The following ASPH variants were observed in gnomAD, a reference collection of about 807,000 sequenced individuals.
ASPH encodes aspartate beta-hydroxylase, also known as aspartyl/asparaginyl beta-hydroxylase.
Under a neutral mutation model 118.4 loss-of-function variants are expected in ASPH, and 100 were observed. The ratio of observed to expected loss-of-function variants is 0.84; its 90% CI spans 0.72 to 1.00. ASPH has a LOEUF of 1.00. Ranked by LOEUF, ASPH falls within the 50% of genes least tolerant of loss-of-function variation. ASPH has a pLI of 0.00. For synonymous variants in ASPH, 315 were observed against 325.6 expected (o/e 0.97, Z 0.35); for missense variants, 920 against 919.5 (o/e 1.00, Z -0.01).
chr8:61,503,454 A>G lies in ASPH; in HGVS notation c.2182T>C (p.Trp728Arg). The change falls in exon 25 of 25, where the codon TGG becomes CGG. Residue 728 changes from tryptophan to arginine, a missense_variant. Trp to Arg is a moderately radical substitution (Grantham distance 101, BLOSUM62 -3). Transcript: ENST00000379454. ...AGCCGGAAAGATGAGGCATCCTGCCATACCTCGTGCTCAAAGGAGTCATCA... is the reference window on the plus strand; with the variant it reads ...AGCCGGAAAGATGAGGCATCCTGCCGTACCTCGTGCTCAAAGGAGTCATCA... ...IFDDSFEHEV[W>R]QDASSFRLIF... 1 of 1,613,262 alleles carries G rather than the reference A, an allele frequency of 6.2e-7. No individual in the cohort carries two copies. Among genetic ancestry groups the G allele is most frequent in the East Asian group, 2.2e-5 (1 of 44,800 alleles).
At chr8:61,533,893 G>A (rs1818486713) in intron 21 of ASPH, among the ~76,000 whole-genome samples, 2 of 152,154 alleles carry the variant, frequency 1.3e-5, no homozygotes, top group African/African-American at 4.8e-5. Flanking sequence ...ATTTAAGTGA[G>A]GTTTCAGGTG....
intron 21 of ASPH, among the ~76,000 whole-genome samples, chr8:61,534,525 T>C (rs1818762510): frequency 6.6e-6 from 1 of 152,254 alleles, no homozygotes; most frequent in South Asian, 2.1e-4. Flanking sequence ...CAAACTCTGC[T>C]AATCCATATA....
At chr8:61,691,515 A>G (rs1393406979) in intron 1 of ASPH, among the ~76,000 whole-genome samples, 1 of 152,192 alleles carries the variant, frequency 6.6e-6, no homozygotes, top group Non-Finnish European at 1.5e-5. Flanking sequence ...CACCATACAA[A>G]TTTATTAAGA....
intron 14 of ASPH, among the ~76,000 whole-genome samples, chr8:61,611,055 A>G (rs943391675): frequency 6.6e-6 from 1 of 152,342 alleles, no homozygotes; most frequent in African/African-American, 2.4e-5. Context: ...ACCACACTTC[A>G]TACTTCCCAA....
intron 3 of ASPH, among the ~76,000 whole-genome samples, chr8:61,655,039 T>C (rs1012890012): frequency 2.0e-5 from 3 of 152,202 alleles, no homozygotes; most frequent in Non-Finnish European, 4.4e-5. Context: ...GAATGATTCA[T>C]TGCCAAGTTC....
intron 15 of ASPH, among the ~76,000 whole-genome samples, chr8:61,581,056 G>A (rs1837368129): frequency 6.6e-6 from 1 of 152,158 alleles, no homozygotes; most frequent in African/African-American, 2.4e-5. Flanking sequence ...TAACAAATTT[G>A]ATAAGGTGAG....
chr8:61,655,884 G>A lies in ASPH; in HGVS notation c.323-2224C>T, dbSNP rs548064066. ...AAATTGTAAACTTCAAAGAAGCTGA[G>A]ATCATATTACTGTATCTCCTCCTCT... is the stretch of plus-strand genomic sequence containing the variant. On this transcript the variant is annotated intron_variant, in intron 3 of 24. Coordinates refer to ENST00000379454, the MANE Select transcript of ASPH (RefSeq NM_004318.4). 3.3e-5 allele frequency among the ~76,000 whole-genome samples: 5 copies of A among 152,282 alleles called. No individual in the cohort carries two copies. In the South Asian group the frequency reaches 1.0e-3, roughly 32 times the overall value.
At chr8:61,662,795 G>C in intron 3 of ASPH, 4 of 959,754 alleles carry the variant, frequency 4.2e-6, no homozygotes, top group Non-Finnish European at 5.0e-6. Context: ...AACAGTCAAA[G>C]GAAAAATCAA....
At chr8:61,665,696 TTA>T in intron 3 of ASPH, 1 of 1,347,636 alleles carries the variant, frequency 7.4e-7, no homozygotes, top group Non-Finnish European at 1.0e-6. Context: ...TATTCTCTTT[TTA>T]TCTCTCCACA....
chr8:61,615,184 G>A (rs1283985114), intron 14 of ASPH, among the ~76,000 whole-genome samples: 6 of 152,060 alleles, frequency 3.9e-5, no homozygotes, highest in African/African-American at 1.2e-4. Flanking sequence ...ACCAGCAATC[G>A]CCTCCTTGTT....
At chr8:61,507,380 G>C (rs1455265191) in intron 24 of ASPH, among the ~76,000 whole-genome samples, 2 of 152,210 alleles carry the variant, frequency 1.3e-5, no homozygotes, top group African/African-American at 4.8e-5. Flanking sequence ...GGGAAAGTGA[G>C]TGCTGTCGGA....
intron 1 of ASPH, among the ~76,000 whole-genome samples, chr8:61,686,909 C>T (rs1830758802): frequency 6.6e-6 from 1 of 152,084 alleles, no homozygotes; most frequent in South Asian, 2.1e-4. Flanking sequence ...TCTTTTCATT[C>T]ATCCAACATT....
At position 61,556,014 on chromosome 8, in the gene ASPH, A is replaced by T; in HGVS notation, c.1446T>A (p.Ser482Arg). ...TAGCAAAGCCATCATTAGGTGTCAC[A>T]CTCAGCACCTAAACTCAAAGAAAAC... ...NAKKVYEEVL[S>R]VTPNDGFAKV... Residue 482 changes from serine to arginine, a missense_variant, in exon 19 of 25, where the codon AGT becomes AGA. Physicochemically the swap from Ser to Arg is moderately radical, Grantham distance 110. Transcript: ENST00000379454. 1 of 1,613,594 alleles carries T rather than the reference A, an allele frequency of 6.2e-7. No individual in the cohort carries two copies. Among genetic ancestry groups the T allele is most frequent in the South Asian group, 1.1e-5 (1 of 90,988 alleles).
At chr8:61,673,259 C>G (rs1286263020) in intron 3 of ASPH, among the ~76,000 whole-genome samples, 1 of 152,154 alleles carries the variant, frequency 6.6e-6, no homozygotes, top group African/African-American at 2.4e-5. Context: ...GACAGCCAGG[C>G]CTCAGGACTG....
At chr8:61,540,948 TG>T (rs761233993) in intron 21 of ASPH, among the ~76,000 whole-genome samples, 7 of 149,864 alleles carry the variant, frequency 4.7e-5, no homozygotes, top group Non-Finnish European at 8.9e-5. Context: ...AAATAAGAAT[TG>T]AAAAAAAAAT....
intron 10 of ASPH, 31 bp downstream of exon 10, chr8:61,642,857 G>GAAAAAAAAA: frequency 9.5e-7 from 1 of 1,049,886 alleles, no homozygotes; most frequent in East Asian, 3.5e-5. Flanking sequence ...AAAAAAAAAA[G>GAAAAAAAAA]AAAAAAAAAA....
At chr8:61,682,248 C>T (rs536288316) in intron 2 of ASPH, among the ~76,000 whole-genome samples, 1 of 152,104 alleles carries the variant, frequency 6.6e-6, no homozygotes, top group Admixed American at 6.6e-5. Context: ...AAGTACTAAT[C>T]AAGGCTATGC....
At chr8:61,559,945 G>C (rs57705474) in intron 18 of ASPH, among the ~76,000 whole-genome samples, 33 of 148,730 alleles carry the variant, frequency 2.2e-4, no homozygotes, top group East Asian at 5.8e-4. Context: ...GAGGGTTGGG[G>C]GGGGGAGCAA....
chr8:61,674,836 A>T (rs1250660247), intron 3 of ASPH, among the ~76,000 whole-genome samples: 3 of 152,326 alleles, frequency 2.0e-5, no homozygotes, highest in South Asian at 2.1e-4. Context: ...GTTAAATAAA[A>T]CGTGAGGAAG....
Sources: allele counts gnomAD v4.1 joint callset (sites outside exome capture counted in the v4.1 genomes callset), GRCh38; gene constraint gnomAD v4.1.1; transcripts MANE v1.5; gene names NCBI Gene and HGNC (gene_info 2026-07-23, HGNC 2026-07-21).